Variants in KCNIP4 observed in about 807,000 individuals in gnomAD.
The protein encoded by KCNIP4 is potassium voltage-gated channel interacting protein 4, also known as Kv channel-interacting protein 4.
Under a neutral mutation model 34.0 loss-of-function variants are expected in KCNIP4, and 12 were observed. The observed-to-expected ratio is 0.35, with a 90% CI of 0.23 to 0.57. The LOEUF is 0.57. KCNIP4 is among the 20% of genes least tolerant of loss of function. The pLI, the probability that KCNIP4 is intolerant of heterozygous loss-of-function variation, is 0.83. For synonymous variants in KCNIP4, 124 were observed against 102.2 expected (o/e 1.21, Z -1.29); for missense variants, 238 against 311.7 (o/e 0.76, Z 1.78).
chr4:21,319,495 T>C (rs931581233), intron 1 of KCNIP4, among the ~76,000 whole-genome samples: 2 of 152,198 alleles, frequency 1.3e-5, no homozygotes, highest in Admixed American at 1.3e-4. Flanking sequence ...CTACCACCAC[T>C]CTGCAGCTCT....
chr4:21,120,482 A>C (rs1017086970), intron 1 of KCNIP4, among the ~76,000 whole-genome samples: 3 of 152,220 alleles, frequency 2.0e-5, no homozygotes, highest in South Asian at 2.1e-4. Flanking sequence ...TAAAGGAAAG[A>C]GGTTTATTTG....
At chr4:21,198,753 C>T (rs1388995989) in intron 1 of KCNIP4, among the ~76,000 whole-genome samples, 3 of 152,186 alleles carry the variant, frequency 2.0e-5, no homozygotes, top group African/African-American at 4.8e-5. Flanking sequence ...ACTGTTATAT[C>T]TATCCTCTTC....
chr4:20,914,011 G>A (rs1196651561), intron 1 of KCNIP4, among the ~76,000 whole-genome samples: 1 of 152,084 alleles, frequency 6.6e-6, no homozygotes, highest in African/African-American at 2.4e-5. Context: ...CAAAAAATTA[G>A]CCAGGTGTGG....
At chr4:21,779,891 G>T (rs1241679696) in intron 1 of KCNIP4, among the ~76,000 whole-genome samples, 1 of 150,990 alleles carries the variant, frequency 6.6e-6, no homozygotes, top group Non-Finnish European at 1.5e-5. Flanking sequence ...TAATTGTGCT[G>T]CTGCACTCTA....
chr4:21,095,475 A>G (rs764184647), intron 1 of KCNIP4, among the ~76,000 whole-genome samples: 1 of 152,212 alleles, frequency 6.6e-6, no homozygotes, highest in African/African-American at 2.4e-5. Flanking sequence ...AATCTAAATT[A>G]TTTTTAAAAT....
intron 3 of KCNIP4, among the ~76,000 whole-genome samples, chr4:20,813,250 T>A (rs1457112826): frequency 6.6e-6 from 1 of 152,102 alleles, no homozygotes; most frequent in East Asian, 1.9e-4. Context: ...GGACTGGATG[T>A]GGACAGAATG....
intron 2 of KCNIP4, among the ~76,000 whole-genome samples, chr4:20,867,967 A>G (rs977046685): frequency 1.3e-5 from 2 of 152,012 alleles, no homozygotes; most frequent in African/African-American, 4.8e-5. Context: ...ATGTATACAT[A>G]TGTAACAAAC....
chr4:20,784,028 A>C (rs953609673), intron 3 of KCNIP4, among the ~76,000 whole-genome samples: 1 of 152,198 alleles, frequency 6.6e-6, no homozygotes, highest in Non-Finnish European at 1.5e-5. Flanking sequence ...TCTCTGAGGC[A>C]TCACAGGGTT....
chr4:21,879,872 G>C (rs1726365170), intron 1 of KCNIP4, among the ~76,000 whole-genome samples: 1 of 152,094 alleles, frequency 6.6e-6, no homozygotes, highest in South Asian at 2.1e-4. Context: ...TTAGTCTCAT[G>C]ATCGTAAGTT....
chr4:21,525,803 ATCT>A (rs1735923263), intron 1 of KCNIP4, among the ~76,000 whole-genome samples: 2 of 152,138 alleles, frequency 1.3e-5, no homozygotes, highest in Non-Finnish European at 2.9e-5. Context: ...TAGAAATTCA[ATCT>A]TCAAGTTATT....
intron 1 of KCNIP4, among the ~76,000 whole-genome samples, chr4:21,025,214 C>T (rs1355790084): frequency 5.9e-5 from 9 of 152,004 alleles, no homozygotes; most frequent in Non-Finnish European, 1.2e-4. Flanking sequence ...TTGTCTGACC[C>T]CCATACAGGT....
At chr4:21,632,833 A>G (rs936071833) in intron 1 of KCNIP4, among the ~76,000 whole-genome samples, 16 of 152,224 alleles carry the variant, frequency 1.1e-4, no homozygotes, top group African/African-American at 3.6e-4. Flanking sequence ...TTTTGGGAAC[A>G]CTCTTCAAGA....
chr4:21,875,376 A>G, intron 1 of KCNIP4, among the ~76,000 whole-genome samples: 1 of 152,200 alleles, frequency 6.6e-6, no homozygotes, highest in Admixed American at 6.5e-5. Context: ...AATTAAATTC[A>G]AACAAATAAA....
At chr4:21,417,517 A>G (rs1386774628) in intron 1 of KCNIP4, among the ~76,000 whole-genome samples, 2 of 152,176 alleles carry the variant, frequency 1.3e-5, no homozygotes, top group African/African-American at 4.8e-5. Context: ...ATAAAGTAGC[A>G]TTTGCAAGTT....
intron 1 of KCNIP4, among the ~76,000 whole-genome samples, chr4:21,469,769 C>T (rs1730302937): frequency 6.6e-6 from 1 of 151,950 alleles, no homozygotes. Flanking sequence ...TGTGGCCAGG[C>T]ACGTCTGCTC....
chr4:21,001,307 G>T (rs142819616), intron 1 of KCNIP4, among the ~76,000 whole-genome samples: 1 of 152,142 alleles, frequency 6.6e-6, no homozygotes, highest in Non-Finnish European at 1.5e-5. Context: ...TTGCTTAATT[G>T]CTTATGAAGA....
intron 1 of KCNIP4, among the ~76,000 whole-genome samples, chr4:21,530,870 C>T (rs1278768659): frequency 1.3e-5 from 2 of 152,166 alleles, no homozygotes; most frequent in African/African-American, 4.8e-5. Flanking sequence ...GATGGCAGGA[C>T]AGATCACCAG....
intron 3 of KCNIP4, among the ~76,000 whole-genome samples, chr4:20,804,952 C>A (rs547182556): frequency 6.6e-6 from 1 of 152,172 alleles, no homozygotes; most frequent in Admixed American, 6.5e-5. Context: ...CATAAATGAA[C>A]AGTTTCTTCT....
chr4:21,293,987 C>T (rs1560262414), intron 1 of KCNIP4, among the ~76,000 whole-genome samples: 1 of 152,120 alleles, frequency 6.6e-6, no homozygotes, highest in Non-Finnish European at 1.5e-5. Context: ...CCGCCTTGAC[C>T]ACTTCTAGTT....
Sources: allele counts gnomAD v4.1 joint callset (sites outside exome capture counted in the v4.1 genomes callset), GRCh38; gene constraint gnomAD v4.1.1; transcripts MANE v1.5; gene names NCBI Gene and HGNC (gene_info 2026-07-23, HGNC 2026-07-21).